The following CNTN4 variants were observed in gnomAD, a reference collection of about 807,000 sequenced individuals.
CNTN4 encodes contactin 4.
A neutral mutation model predicts 122.5 loss-of-function variants in CNTN4; 77 were observed. The observed-to-expected ratio is 0.63, with a 90% CI of 0.52 to 0.76. The LOEUF (loss-of-function observed/expected upper bound fraction) is 0.76. Among genes scored for constraint, CNTN4 ranks in the 30% least tolerant of loss-of-function variants. The pLI is 0.00. For missense variants in CNTN4, 1,256 were observed against 1,259.1 expected (o/e 1.00, Z 0.04); for synonymous variants, 512 against 447.0 (o/e 1.15, Z -1.83).
At chr3:2,577,356 A>G (rs973475906) in intron 4 of CNTN4, among the ~76,000 whole-genome samples, 4 of 152,200 alleles carry the variant, frequency 2.6e-5, no homozygotes, top group African/African-American at 9.7e-5. Context: ...CTATATATGT[A>G]TGTGTATGCA....
intron 7 of CNTN4, among the ~76,000 whole-genome samples, chr3:2,843,172 A>T (rs994031499): frequency 6.6e-6 from 1 of 152,198 alleles, no homozygotes; most frequent in Admixed American, 6.5e-5. Context: ...TTATTCTCCT[A>T]TAGTTTTCCC....
intron 8 of CNTN4, among the ~76,000 whole-genome samples, chr3:2,871,826 T>G (rs1334217640): frequency 6.6e-6 from 1 of 152,214 alleles, no homozygotes; most frequent in Admixed American, 6.5e-5. Flanking sequence ...AATAACTATA[T>G]TACTTTGCAG....
chr3:2,312,645 C>T (rs560841958), intron 2 of CNTN4, among the ~76,000 whole-genome samples: 3 of 152,004 alleles, frequency 2.0e-5, no homozygotes, highest in Admixed American at 1.3e-4. Flanking sequence ...AAAAATGGTG[C>T]GTTTTGGAAT....
intron 8 of CNTN4, among the ~76,000 whole-genome samples, chr3:2,869,466 A>G (rs2093761275): frequency 1.3e-5 from 2 of 152,228 alleles, no homozygotes; most frequent in African/African-American, 4.8e-5. Flanking sequence ...TTTCTGGCAT[A>G]GCAGCTGAGT....
intron 10 of CNTN4, among the ~76,000 whole-genome samples, chr3:2,890,505 G>C (rs531536521): frequency 5.3e-5 from 8 of 152,294 alleles, no homozygotes; most frequent in African/African-American, 1.9e-4. Context: ...TTGGGTTCCA[G>C]GTTGTTTATT....
chr3:2,635,563 T>C (rs956953652), intron 4 of CNTN4, among the ~76,000 whole-genome samples: 11 of 152,278 alleles, frequency 7.2e-5, no homozygotes, highest in South Asian at 4.1e-4. Flanking sequence ...CAGTTATTTT[T>C]GGAAGCTTTC....
intron 7 of CNTN4, chr3:2,866,530 G>A: frequency 1.6e-5 from 21 of 1,317,124 alleles, no homozygotes; most frequent in Non-Finnish European, 2.0e-5. Context: ...AGCTATCAGT[G>A]TATCTTTTAC....
rs544445547 is a variant in CNTN4 at position 2,549,349 on chromosome 3, C to G, written c.-88-22067C>G. On this transcript the variant is annotated intron_variant, in intron 3 of 24. Coordinates refer to ENST00000418658, the MANE Select transcript of CNTN4 (RefSeq NM_175607.3). ...TTGCCTGTGGGTTTGTCATAAATAG[C>G]TCTTATTATTTTGAGATATGTTCCA... Among the ~76,000 whole-genome samples the G allele has an allele frequency of 1.8e-4, 27 of 152,178 alleles. 1 individual carries two copies. The South Asian group carries it at 5.6e-3, about 32-fold the overall frequency.
chr3:2,526,927 A>C (rs1033049042), intron 3 of CNTN4, among the ~76,000 whole-genome samples: 3 of 152,118 alleles, frequency 2.0e-5, no homozygotes, highest in Admixed American at 6.6e-5. Context: ...CCACTGCCCA[A>C]ATCTCTAGAT....
At chr3:2,877,536 A>G (rs1250533375) in intron 8 of CNTN4, among the ~76,000 whole-genome samples, 2 of 152,236 alleles carry the variant, frequency 1.3e-5, no homozygotes, top group Admixed American at 6.5e-5. Context: ...TGTATTTCAT[A>G]TAGCAGAAAA....
intron 7 of CNTN4, among the ~76,000 whole-genome samples, chr3:2,864,875 T>C (rs2150813085): frequency 1.3e-5 from 1 of 78,676 alleles, no homozygotes; most frequent in African/African-American, 5.2e-5. Flanking sequence ...TACTTAAAAC[T>C]CTCTTATAAA....
At chr3:2,574,545 G>A (rs538242253) in intron 4 of CNTN4, among the ~76,000 whole-genome samples, 6 of 152,216 alleles carry the variant, frequency 3.9e-5, no homozygotes, top group South Asian at 4.1e-4. Flanking sequence ...AGATGACTCA[G>A]TGTCTGGCAA....
chr3:2,173,521 C>T (rs1328500522), intron 2 of CNTN4, among the ~76,000 whole-genome samples: 1 of 152,048 alleles, frequency 6.6e-6, no homozygotes, highest in East Asian at 1.9e-4. Flanking sequence ...TTGGGCAGAG[C>T]TTTTTGTGGG....
At chr3:2,186,236 C>T (rs894072963) in intron 2 of CNTN4, among the ~76,000 whole-genome samples, 1 of 152,044 alleles carries the variant, frequency 6.6e-6, no homozygotes, top group African/African-American at 2.4e-5. Flanking sequence ...CAGCTTCATC[C>T]ATCTCCCTAC....
chr3:2,828,456 A>G (rs2093033691), intron 7 of CNTN4, among the ~76,000 whole-genome samples: 1 of 152,188 alleles, frequency 6.6e-6, no homozygotes, highest in Admixed American at 6.5e-5. Context: ...AACTTACAAA[A>G]TGATGTTTAA....
intron 3 of CNTN4, among the ~76,000 whole-genome samples, chr3:2,397,057 A>C (rs2046667939): frequency 6.6e-6 from 1 of 152,324 alleles, no homozygotes; most frequent in Non-Finnish European, 1.5e-5. Flanking sequence ...GAGTTGTTTC[A>C]TAGATGCTAA....
At chr3:2,786,023 A>T (rs1183464880) in intron 6 of CNTN4, among the ~76,000 whole-genome samples, 1 of 151,712 alleles carries the variant, frequency 6.6e-6, no homozygotes, top group Non-Finnish European at 1.5e-5. Context: ...GGCATCGGAG[A>T]CTACAATCGG....
intron 2 of CNTN4, among the ~76,000 whole-genome samples, chr3:2,116,001 A>G (rs2033324019): frequency 6.6e-6 from 1 of 152,184 alleles, no homozygotes; most frequent in Non-Finnish European, 1.5e-5. Context: ...TGAGACTTAA[A>G]TCTTTCTCGA....
At chr3:2,611,297 C>CAATAAAAAA (rs2081473592) in intron 4 of CNTN4, among the ~76,000 whole-genome samples, 1 of 62,388 alleles carries the variant, frequency 1.6e-5, no homozygotes. Flanking sequence ...CACCTGGAAC[C>CAATAAAAAA]AAAAAAAAAA....
Sources: gnomAD v4.1 joint callset for allele counts (sites outside exome capture counted in the v4.1 genomes callset) on GRCh38, gnomAD v4.1.1 for gene constraint, MANE v1.5 for transcripts, NCBI Gene and HGNC (gene_info 2026-07-23, HGNC 2026-07-21) for gene names.